AMPD3: variants seen among roughly 807,000 people sequenced by gnomAD.
The protein encoded by AMPD3 is AMP deaminase 3.
A neutral mutation model predicts 82.3 loss-of-function variants in AMPD3; 57 were observed. The ratio of observed to expected loss-of-function variants is 0.69; its 90% CI spans 0.56 to 0.86. The LOEUF (loss-of-function observed/expected upper bound fraction) is 0.86, where lower values mean the gene tolerates loss of function less well. AMPD3 is among the 40% of genes least tolerant of loss of function. The probability of loss-of-function intolerance (pLI) is 0.00; values close to 1 mark genes in which losing one functional copy is unlikely to be tolerated. For synonymous variants in AMPD3, 381 were observed against 394.7 expected, an observed-to-expected ratio of 0.97 and a Z score of 0.41; for missense variants, 870 against 1,003.8, an observed-to-expected ratio of 0.87 and a Z score of 1.80.
Position 10,497,826 on chromosome 11 carries a change from G to C in AMPD3, c.1557+888G>C, listed in dbSNP as rs777222044. 1.7e-5 allele frequency: 17 copies of C among 985,196 alleles called. No homozygotes were observed. In the Admixed American group the frequency reaches 1.8e-4, roughly 11 times the overall value. The allele number at this position is 985,196 out of a possible 1,614,324, so 61.0% of individuals were successfully genotyped here. ...CTCGTGCGTGCTTCTGCCTGGCCTGGTCAGACGCCACAACGTGATCTCACC... is the reference window on the plus strand; with the variant it reads ...CTCGTGCGTGCTTCTGCCTGGCCTGCTCAGACGCCACAACGTGATCTCACC... On this transcript the variant is annotated intron_variant, in intron 10 of 14. Coordinates refer to ENST00000396553, the MANE Select transcript of AMPD3 (RefSeq NM_001025389.2).
upstream of AMPD3, among the ~76,000 whole-genome samples, chr11:10,454,043 G>A (rs887006983): frequency 6.6e-5 from 10 of 152,164 alleles, no homozygotes; most frequent in African/African-American, 1.7e-4. Flanking sequence ...ATGTTTGTTC[G>A]AAAGGGAAAT....
chr11:10,477,275 G>T (rs895763031), intron 2 of AMPD3, among the ~76,000 whole-genome samples: 3 of 152,244 alleles, frequency 2.0e-5, no homozygotes, highest in Non-Finnish European at 2.9e-5. Context: ...GCTGGTGGCT[G>T]TGGTTGTGGT....
intron 12 of AMPD3, 34 bp downstream of exon 12, chr11:10,501,624 T>A: frequency 6.2e-7 from 1 of 1,614,012 alleles, no homozygotes; most frequent in Non-Finnish European, 8.5e-7. Flanking sequence ...CCGTCCTGAG[T>A]GACTGCCCTG....
At chr11:10,501,837 A>G (rs1488808659) in intron 12 of AMPD3, 1 of 982,410 alleles carries the variant, frequency 1.0e-6, no homozygotes, top group Non-Finnish European at 1.2e-6. Flanking sequence ...AGCCATTATT[A>G]GCTTTTTAGT....
intron 5 of AMPD3, among the ~76,000 whole-genome samples, chr11:10,485,796 G>GGGCATGGTGCACCATGATGCTCA (rs1307352266): frequency 0.056 from 8,452 of 151,982 alleles, 312 homozygotes; most frequent in Non-Finnish European, 0.083. Flanking sequence ...CATGATGCTC[G>GGGCATGGTGCACCATGATGCTCA]TGGGCTTGGC....
chr11:10,461,309 A>G, intron 1 of AMPD3: 1 of 1,559,162 alleles, frequency 6.4e-7, no homozygotes, highest in Non-Finnish European at 8.7e-7. Context: ...CTTTCTCCTG[A>G]CACCTAAGTG....
intron 2 of AMPD3, among the ~76,000 whole-genome samples, chr11:10,469,729 C>T (rs1047673808): frequency 6.6e-6 from 1 of 152,192 alleles, no homozygotes; most frequent in African/African-American, 2.4e-5. Flanking sequence ...AGGCCAATAT[C>T]CCTGATGAAC....
At chr11:10,500,491 A>T in intron 11 of AMPD3, 3 of 656,188 alleles carry the variant, frequency 4.6e-6, no homozygotes, top group Non-Finnish European at 5.7e-6. Flanking sequence ...CAGTACAGAC[A>T]TATGTCATGT....
intron 6 of AMPD3, among the ~76,000 whole-genome samples, chr11:10,489,687 T>C (rs1849185399): frequency 2.0e-5 from 3 of 148,720 alleles, no homozygotes; most frequent in South Asian, 2.1e-4. Flanking sequence ...CTGTCTCTCT[T>C]TTTTTTTTTT....
chr11:10,451,161 A>G, upstream of AMPD3: 1 of 1,498,382 alleles, frequency 6.7e-7, no homozygotes. Context: ...CCCTGCTCGC[A>G]GAGGCGGTGG....
At chr11:10,462,150 G>A (rs989878596) in intron 2 of AMPD3, among the ~76,000 whole-genome samples, 1 of 152,150 alleles carries the variant, frequency 6.6e-6, no homozygotes, top group Non-Finnish European at 1.5e-5. Flanking sequence ...GATAGATAGA[G>A]TCCCTGGGTC....
chr11:10,494,435 C>A, intron 7 of AMPD3: 1 of 488,574 alleles, frequency 2.0e-6, no homozygotes, highest in Non-Finnish European at 2.7e-6. Context: ...TGTCAATGTA[C>A]TTAAAGCCAC....
At chr11:10,473,331 T>C in intron 2 of AMPD3, 3 of 913,804 alleles carry the variant, frequency 3.3e-6, no homozygotes, top group Non-Finnish European at 3.9e-6. Flanking sequence ...AGTTAACAGA[T>C]AGTACAGATT....
At position 10,456,487 on chromosome 11, in the gene AMPD3, G is replaced by C. The variant is rs1333968603; in HGVS notation, c.-6+1039G>C. On this transcript the variant is annotated intron_variant, in intron 1 of 14. Coordinates refer to ENST00000396553, the MANE Select transcript of AMPD3 (RefSeq NM_001025389.2). This position sits in a 1 kb window ranked among gnomAD's most constrained non-coding sequence, Gnocchi z 4.3. ...ATAACGAGGGGATTTCAGTGGCACT[G>C]GGCTTCCTTTCTGGAGGGACTGTGG... The C allele has an allele frequency of 1.9e-6, 3 of 1,613,480 alleles. No individual in the cohort carries two copies. The highest frequency in any genetic ancestry group is 2.5e-6 in the Non-Finnish European group (3 of 1,179,532).
intron 4 of AMPD3, among the ~76,000 whole-genome samples, chr11:10,482,954 AC>A (rs1269195263): frequency 6.6e-5 from 10 of 152,220 alleles, no homozygotes; most frequent in Admixed American, 6.5e-4. Flanking sequence ...TGTCAAACAC[AC>A]CTGCATTTGT....
At position 10,506,675 on chromosome 11, in the gene AMPD3, G is replaced by C. The variant is rs1008064409; in HGVS notation, c.*791G>C. On this transcript the variant is annotated 3_prime_UTR_variant, in exon 15 of 15. Coordinates refer to ENST00000396553, the MANE Select transcript of AMPD3 (RefSeq NM_001025389.2). This position sits in a 1 kb window ranked among gnomAD's most constrained non-coding sequence, Gnocchi z 4.1. ...TGCTACATAATATTTTCATTTGAAC[G>C]AAGAACTTCAAAAAGCACAGGACTA... 6.6e-6 allele frequency: 1 copy of C among 152,528 alleles called. No homozygotes were observed. The highest frequency in any genetic ancestry group is 2.4e-5 in the African/African-American group (1 of 41,432). 9.4% of individuals were successfully genotyped at this position (152,528 alleles called of 1,614,324 possible).
chr11:10,462,167 A>G (rs1848290562), intron 2 of AMPD3, among the ~76,000 whole-genome samples: 1 of 152,220 alleles, frequency 6.6e-6, no homozygotes, highest in Admixed American at 6.5e-5. Context: ...GGTCTAGACA[A>G]TAATTAAGTA....
intron 1 of AMPD3, 100 bp downstream of exon 1, chr11:10,455,548 C>T: frequency 1.7e-6 from 1 of 585,116 alleles, no homozygotes; most frequent in Non-Finnish European, 2.2e-6. Flanking sequence ...TAAAGCTTAT[C>T]AGGCTTCGCA....
rs1008444028 is a variant in AMPD3, at chr11:10,496,657, A to C, written c.1431-155A>C. 2.1e-6 allele frequency: 3 copies of C among 1,453,152 alleles called. No homozygotes were observed. In the African/African-American group the frequency reaches 4.2e-5, roughly 20 times the overall value. The allele number at this position is 1,453,152 out of a possible 1,614,324, so 90.0% of individuals were successfully genotyped here. ...ATATTGCAGACATTGCTGGGAGAGGAGGACAGAGGAGGGATCTGTTTTCTG... is the reference window on the plus strand; with the variant it reads ...ATATTGCAGACATTGCTGGGAGAGGCGGACAGAGGAGGGATCTGTTTTCTG... On this transcript the variant is annotated intron_variant, in intron 9 of 14. Coordinates refer to ENST00000396553, the MANE Select transcript of AMPD3 (RefSeq NM_001025389.2).
Sources: gnomAD v4.1 joint callset for allele counts (sites outside exome capture counted in the v4.1 genomes callset) on GRCh38, gnomAD v4.1.1 for gene constraint, Gnocchi (gnomAD v3.1) non-coding constraint, MANE v1.5 for transcripts, NCBI Gene and HGNC (gene_info 2026-07-23, HGNC 2026-07-21) for gene names.